Variants in COL5A2 observed in about 807,000 individuals in gnomAD.
COL5A2 encodes the protein collagen alpha-2(V) chain.
Under a neutral mutation model 208.2 loss-of-function variants are expected in COL5A2, and 23 were observed. That is an observed-to-expected ratio of 0.11 (90% CI 0.08 to 0.16). COL5A2 has a LOEUF of 0.16. COL5A2 is among the 10% of genes least tolerant of loss of function. The pLI is 1.00. For missense variants in COL5A2, 1,590 were observed against 1,956.4 expected (o/e 0.81, Z 3.53); for synonymous variants, 625 against 628.5 (o/e 0.99, Z 0.08).
At chr2:189,331,961 A>C in the COL5A2 span, among the ~76,000 whole-genome samples, 18 of 152,042 alleles carry the variant, frequency 1.2e-4, no homozygotes, top group Non-Finnish European at 1.9e-4. Flanking sequence ...AAAAAAAAAA[A>C]AAAACTGGTG....
At chr2:189,374,468 G>A in the COL5A2 span, among the ~76,000 whole-genome samples, 1 of 151,898 alleles carries the variant, frequency 6.6e-6, no homozygotes, top group Non-Finnish European at 1.5e-5. Context: ...TTAAAGAGAT[G>A]ACTGCTAGAG....
At chr2:189,148,845 A>T (rs1688090477) in intron 1 of COL5A2, among the ~76,000 whole-genome samples, 2 of 152,222 alleles carry the variant, frequency 1.3e-5, no homozygotes, top group Non-Finnish European at 1.5e-5. Context: ...CTTCAACATG[A>T]AATACTGATT....
the COL5A2 span, among the ~76,000 whole-genome samples, chr2:189,361,657 GT>G: frequency 6.6e-6 from 1 of 151,526 alleles, no homozygotes; most frequent in Non-Finnish European, 1.5e-5. Flanking sequence ...TTTATTACAT[GT>G]TTTCTGGTTG....
At chr2:189,315,708 A>AG in the COL5A2 span, among the ~76,000 whole-genome samples, 5 of 152,146 alleles carry the variant, frequency 3.3e-5, no homozygotes, top group South Asian at 2.1e-4. Flanking sequence ...AAAGCTTCTT[A>AG]AGCTGATAAA....
the COL5A2 span, among the ~76,000 whole-genome samples, chr2:189,423,977 T>C: frequency 6.6e-6 from 1 of 151,762 alleles, no homozygotes; most frequent in Middle Eastern, 3.2e-3. Flanking sequence ...ACAAATTAAA[T>C]AGTATCTTAA....
At chr2:189,038,826 A>C (rs1351157216) in intron 51 of COL5A2, among the ~76,000 whole-genome samples, 1 of 152,128 alleles carries the variant, frequency 6.6e-6, no homozygotes, top group Non-Finnish European at 1.5e-5. Flanking sequence ...AGTAGCTGGA[A>C]CTACAGGCAC....
chr2:189,169,239 G>A (rs764192531), intron 1 of COL5A2, among the ~76,000 whole-genome samples: 3 of 152,118 alleles, frequency 2.0e-5, no homozygotes, highest in Non-Finnish European at 2.9e-5. Flanking sequence ...AAGCAGACAG[G>A]GATGGTAGAC....
the COL5A2 span, among the ~76,000 whole-genome samples, chr2:189,325,105 G>T: frequency 6.6e-6 from 1 of 152,036 alleles, no homozygotes; most frequent in South Asian, 2.1e-4. Context: ...CTCATAGGTG[G>T]GAATGGAACA....
At chr2:189,301,994 C>T in the COL5A2 span, among the ~76,000 whole-genome samples, 1 of 152,130 alleles carries the variant, frequency 6.6e-6, no homozygotes, top group South Asian at 2.1e-4. Context: ...ACTATATCTC[C>T]AAAAATTGAA....
rs75502372 is a variant in COL5A2, at chr2:189,053,372, T to C, written c.2553+52A>G. On this transcript the variant is annotated intron_variant, in intron 38 of 53. Transcript: ENST00000374866. ...CATATGACAATGATCATTAAACTTATTATAACAAGATAAGTGTTTATTTGT... is the reference window on the plus strand; with the variant it reads ...CATATGACAATGATCATTAAACTTACTATAACAAGATAAGTGTTTATTTGT... 675 of 1,452,392 alleles carry C rather than the reference T, an allele frequency of 4.6e-4. 4 individuals carry two copies. The African/African-American group carries it at 8.4e-3, about 18-fold the overall frequency. The allele number at this position is 1,452,392 out of a possible 1,614,324, so 90.0% of individuals were successfully genotyped here.
At chr2:189,192,713 G>A (rs1265724266) in intron 1 of COL5A2, among the ~76,000 whole-genome samples, 1 of 152,120 alleles carries the variant, frequency 6.6e-6, no homozygotes, top group Non-Finnish European at 1.5e-5. Context: ...TTTTCAATGG[G>A]TAAAAGGACA....
chr2:189,249,584 G>A, the COL5A2 span, among the ~76,000 whole-genome samples: 32 of 152,172 alleles, frequency 2.1e-4, no homozygotes, highest in Non-Finnish European at 3.2e-4. Context: ...TCTTGATTGA[G>A]TAATCCTGCT....
At chr2:189,252,234 C>T in the COL5A2 span, among the ~76,000 whole-genome samples, 3 of 152,258 alleles carry the variant, frequency 2.0e-5, no homozygotes, top group East Asian at 5.8e-4. Flanking sequence ...ACTAGAAATA[C>T]CATTTGACCC....
the COL5A2 span, among the ~76,000 whole-genome samples, chr2:189,236,087 T>C: frequency 3.3e-5 from 5 of 151,714 alleles, no homozygotes; most frequent in East Asian, 9.7e-4. Flanking sequence ...CAACTTGCTG[T>C]TCAAGGGATT....
At chr2:189,385,160 A>C in the COL5A2 span, among the ~76,000 whole-genome samples, 1 of 152,172 alleles carries the variant, frequency 6.6e-6, no homozygotes, top group African/African-American at 2.4e-5. Flanking sequence ...AAGAGAAAGA[A>C]AGAAAAGGCA....
At chr2:189,263,808 G>A in the COL5A2 span, among the ~76,000 whole-genome samples, 13 of 152,022 alleles carry the variant, frequency 8.6e-5, no homozygotes, top group South Asian at 4.1e-4. Flanking sequence ...TGTATCCTAC[G>A]TGTGTAGTAA....
intron 1 of COL5A2, among the ~76,000 whole-genome samples, chr2:189,216,816 C>T (rs1026369018): frequency 5.9e-5 from 9 of 152,096 alleles, no homozygotes; most frequent in African/African-American, 2.2e-4. Flanking sequence ...TGTCTTTGGA[C>T]ACATTGTGTA....
chr2:189,224,003 A>G (rs1689381096), intron 1 of COL5A2, among the ~76,000 whole-genome samples: 1 of 152,162 alleles, frequency 6.6e-6, no homozygotes, highest in African/African-American at 2.4e-5. Flanking sequence ...GATACCTCTA[A>G]GAAAAATTAC....
At chr2:189,439,626 T>C in the COL5A2 span, among the ~76,000 whole-genome samples, 110 of 152,308 alleles carry the variant, frequency 7.2e-4, 1 homozygote, top group African/African-American at 2.4e-3. Flanking sequence ...CAGCTGTAGG[T>C]GGGATTGGTT....
Sources: gnomAD v4.1 joint callset for allele counts (sites outside exome capture counted in the v4.1 genomes callset) on GRCh38, gnomAD v4.1.1 for gene constraint, MANE v1.5 for transcripts, NCBI Gene and HGNC (gene_info 2026-07-23, HGNC 2026-07-21) for gene names.